Variants in PIK3C2G observed in about 807,000 individuals in gnomAD.
The protein encoded by PIK3C2G is phosphatidylinositol-4-phosphate 3-kinase catalytic subunit type 2 gamma, also known as phosphatidylinositol 3-kinase C2 domain-containing subunit gamma.
PIK3C2G carries 168 observed loss-of-function variants against 181.1 expected under a neutral mutation model. That is an observed-to-expected ratio of 0.93 (90% CI 0.82 to 1.05). The LOEUF (loss-of-function observed/expected upper bound fraction) is 1.05. Ranked by LOEUF, PIK3C2G falls within the 50% of genes least tolerant of loss-of-function variation. The pLI is 0.00. For synonymous variants in PIK3C2G, 573 were observed against 592.2 expected, an observed-to-expected ratio of 0.97 and a Z score of 0.47; for missense variants, 1,869 against 1,732.8, an observed-to-expected ratio of 1.08 and a Z score of -1.40.
chr12:18,561,084 A>G (rs1016932054), intron 26 of PIK3C2G, among the ~76,000 whole-genome samples: 2 of 152,260 alleles, frequency 1.3e-5, no homozygotes, highest in African/African-American at 2.4e-5. Flanking sequence ...AGCTTACAAG[A>G]ATTCAGAAAC....
the PIK3C2G span, among the ~76,000 whole-genome samples, chr12:18,712,256 G>C: frequency 6.6e-6 from 1 of 152,096 alleles, no homozygotes; most frequent in Non-Finnish European, 1.5e-5. Context: ...GTGTTATTTA[G>C]AACTCCTTAA....
chr12:18,638,917 A>T (rs1278295806), intron 31 of PIK3C2G, among the ~76,000 whole-genome samples: 1 of 150,082 alleles, frequency 6.7e-6, no homozygotes, highest in African/African-American at 2.5e-5. Flanking sequence ...AGTTAAACAG[A>T]GCAGAAACAC....
chr12:18,719,905 T>A, the PIK3C2G span, among the ~76,000 whole-genome samples: 1 of 152,014 alleles, frequency 6.6e-6, no homozygotes, highest in Admixed American at 6.6e-5. Context: ...GTACATATAT[T>A]ATGGACCAAT....
chr12:18,363,263 T>G (rs946404417), intron 12 of PIK3C2G, among the ~76,000 whole-genome samples: 1 of 152,016 alleles, frequency 6.6e-6, no homozygotes, highest in African/African-American at 2.4e-5. Flanking sequence ...TAATCTCCAT[T>G]TTCTCAATTT....
chr12:18,638,044 T>TAC (rs1949681079), intron 31 of PIK3C2G, among the ~76,000 whole-genome samples: 2 of 152,216 alleles, frequency 1.3e-5, no homozygotes, highest in Admixed American at 1.3e-4. Flanking sequence ...TGTCCATTCC[T>TAC]ACACCTGTTA....
chr12:18,244,972 T>C (rs975042798), upstream of PIK3C2G, among the ~76,000 whole-genome samples: 1 of 152,138 alleles, frequency 6.6e-6, no homozygotes, highest in African/African-American at 2.4e-5. Context: ...GCAAGTTCTC[T>C]GTTCCCTCTT....
the PIK3C2G span, among the ~76,000 whole-genome samples, chr12:18,666,392 T>C: frequency 6.6e-6 from 1 of 152,016 alleles, no homozygotes; most frequent in Non-Finnish European, 1.5e-5. Flanking sequence ...AATGGAAAAA[T>C]ACATTTATGC....
chr12:18,416,886 T>A (rs1224876641), intron 16 of PIK3C2G, among the ~76,000 whole-genome samples: 2 of 152,190 alleles, frequency 1.3e-5, no homozygotes, highest in African/African-American at 4.8e-5. Flanking sequence ...GACTTTTAAG[T>A]CTTATTATTT....
At chr12:18,514,706 C>T (rs1210795273) in intron 24 of PIK3C2G, among the ~76,000 whole-genome samples, 1 of 151,806 alleles carries the variant, frequency 6.6e-6, no homozygotes, top group Non-Finnish European at 1.5e-5. Flanking sequence ...ATTTGACTTC[C>T]TGCTTTCCTA....
At chr12:18,650,071 C>T (rs1482635138), downstream of PIK3C2G, among the ~76,000 whole-genome samples, 1 of 151,966 alleles carries the variant, frequency 6.6e-6, no homozygotes, top group Non-Finnish European at 1.5e-5. Flanking sequence ...GCCCAGAATA[C>T]CTCCCAGATT....
intron 29 of PIK3C2G, among the ~76,000 whole-genome samples, chr12:18,582,383 G>A (rs549748303): frequency 3.3e-5 from 5 of 152,178 alleles, no homozygotes; most frequent in African/African-American, 9.6e-5. Flanking sequence ...CAACCCTTGG[G>A]TCAGGAGATC....
chr12:18,328,696 TAATG>T, intron 8 of PIK3C2G, among the ~76,000 whole-genome samples: 2 of 152,100 alleles, frequency 1.3e-5, no homozygotes, highest in Middle Eastern at 3.4e-3. Context: ...TTTAAATAAT[TAATG>T]AAACAATGGA....
At chr12:18,510,425 A>C (rs958334929) in intron 24 of PIK3C2G, among the ~76,000 whole-genome samples, 2 of 152,222 alleles carry the variant, frequency 1.3e-5, no homozygotes, top group African/African-American at 4.8e-5. Context: ...CAAAATTTCA[A>C]CTCAATAATT....
At chr12:18,708,234 G>GT in the PIK3C2G span, among the ~76,000 whole-genome samples, 1 of 151,760 alleles carries the variant, frequency 6.6e-6, no homozygotes, top group Admixed American at 6.6e-5. Context: ...ACATTTGAGA[G>GT]TTTTTTTTCT....
At chr12:18,366,375 A>C (rs933273822) in intron 12 of PIK3C2G, among the ~76,000 whole-genome samples, 1 of 152,114 alleles carries the variant, frequency 6.6e-6, no homozygotes. Flanking sequence ...TCTACTAAAA[A>C]TACAAAAATT....
Position 18,503,309 on chromosome 12 carries a change from G to C in PIK3C2G, c.3045G>C (p.Val1015=), listed in dbSNP as rs769199238. The C allele has an allele frequency of 1.2e-6, 2 of 1,610,468 alleles. No individual in the cohort carries two copies. The highest frequency in any genetic ancestry group is 8.5e-7 in the Non-Finnish European group (1 of 1,178,056). ...TGGTGCAGATGGTACCTGATGCTGT[G>C]ACCCTAGCAAAGATTCATCGCCATT... The part of the protein sequence containing the change: ...QGLVQMVPDA[V]TLAKIHRHSG... The change falls in exon 23 of 33, where the codon GTG becomes GTC. Residue 1015 remains valine (V), a synonymous_variant. Transcript: ENST00000538779.
chr12:18,387,140 T>C (rs963128446), intron 14 of PIK3C2G, among the ~76,000 whole-genome samples: 10 of 152,220 alleles, frequency 6.6e-5, no homozygotes, highest in Admixed American at 2.0e-4. Context: ...TCTCTACTCA[T>C]ATCCGGTCCA....
At chr12:18,428,193 T>C (rs972030231) in intron 18 of PIK3C2G, among the ~76,000 whole-genome samples, 3 of 151,840 alleles carry the variant, frequency 2.0e-5, no homozygotes, top group Admixed American at 6.6e-5. Flanking sequence ...TTAAAAAATA[T>C]AGCTCAAGCC....
chr12:18,349,327 C>CAA (rs1939990952), intron 11 of PIK3C2G, among the ~76,000 whole-genome samples: 2 of 152,042 alleles, frequency 1.3e-5, no homozygotes, highest in Non-Finnish European at 2.9e-5. Context: ...GGTAAAATAA[C>CAA]AAAGTGACAA....
Sources: allele counts gnomAD v4.1 joint callset (sites outside exome capture counted in the v4.1 genomes callset), GRCh38; gene constraint gnomAD v4.1.1; transcripts MANE v1.5; gene names NCBI Gene and HGNC (gene_info 2026-07-23, HGNC 2026-07-21).